Variants in PIEZO2 observed in about 807,000 individuals in gnomAD.
The protein encoded by PIEZO2 is piezo-type mechanosensitive ion channel component 2.
A neutral mutation model predicts 337.3 loss-of-function variants in PIEZO2; 172 were observed. That is an observed-to-expected ratio of 0.51 (90% CI 0.45 to 0.58). The LOEUF (loss-of-function observed/expected upper bound fraction) is 0.58, where lower values mean the gene tolerates loss of function less well. Among genes scored for constraint, PIEZO2 ranks in the 20% least tolerant of loss-of-function variants. The pLI is 0.00. For synonymous variants in PIEZO2, 1,251 were observed against 1,228.5 expected, an observed-to-expected ratio of 1.02 and a Z score of -0.38; for missense variants, 3,028 against 3,391.3, an observed-to-expected ratio of 0.89 and a Z score of 2.66.
rs909198258 is a variant in PIEZO2, at chr18:11,102,509, T to C, written c.65-36287A>G. On this transcript the variant is annotated intron_variant, in intron 1 of 55. Coordinates refer to ENST00000674853, the MANE Select transcript of PIEZO2 (RefSeq NM_001378183.1). The surrounding 1 kb of genome is among the most constrained non-coding windows in gnomAD (Gnocchi z 5.7). Reference sequence around the variant, plus strand: ...TTACCCTTATTCCCTTTCCTTCCCCTGCCTAGGGCAGAGCAGAGGATGGGG... The same window carrying C: ...TTACCCTTATTCCCTTTCCTTCCCCCGCCTAGGGCAGAGCAGAGGATGGGG... 1.3e-5 allele frequency among the ~76,000 whole-genome samples: 2 copies of C among 152,180 alleles called. No individual in the cohort carries two copies. Among genetic ancestry groups the C allele is most frequent in the African/African-American group, 2.4e-5 (1 of 41,450 alleles).
Position 10,850,988 on chromosome 18 carries a change from C to T in PIEZO2, c.917+4365G>A, listed in dbSNP as rs1015710836. Among the ~76,000 whole-genome samples the T allele has an allele frequency of 6.6e-6, 1 of 152,090 alleles. No homozygotes were observed. Among genetic ancestry groups the T allele is most frequent in the Non-Finnish European group, 1.5e-5 (1 of 68,012 alleles). On this transcript the variant is annotated intron_variant, in intron 7 of 55. Transcript: ENST00000674853. The surrounding 1 kb of genome is among the most constrained non-coding windows in gnomAD (Gnocchi z 4.5). ...CTTTTTTACCAGAAGATAAAAATTG[C>T]TTGGACTGTTTTAAGGGCAGCTTTA...
chr18:10,963,875 T>A (rs1363706544), intron 3 of PIEZO2, among the ~76,000 whole-genome samples: 1 of 152,208 alleles, frequency 6.6e-6, no homozygotes. Flanking sequence ...TTATTCAGAA[T>A]CTTTTCCAAA....
chr18:10,768,815 C>T (rs2038472946), intron 21 of PIEZO2, among the ~76,000 whole-genome samples: 1 of 152,116 alleles, frequency 6.6e-6, no homozygotes, highest in Non-Finnish European at 1.5e-5. Flanking sequence ...GTTATGTCTG[C>T]CTTTTGTTTA....
At chr18:10,913,621 T>C (rs778146980) in intron 3 of PIEZO2, among the ~76,000 whole-genome samples, 13 of 152,308 alleles carry the variant, frequency 8.5e-5, no homozygotes, top group South Asian at 4.1e-4. Flanking sequence ...TGCTATACTA[T>C]ATTGTTAGGC....
chr18:10,802,109 A>C (rs1046997084), intron 9 of PIEZO2, among the ~76,000 whole-genome samples: 3 of 151,340 alleles, frequency 2.0e-5, no homozygotes, highest in African/African-American at 4.9e-5. Flanking sequence ...AAAAAAAAGA[A>C]AGAAAAGAAA....
At chr18:10,754,868 G>T (rs2037774636) in intron 27 of PIEZO2, among the ~76,000 whole-genome samples, 1 of 152,166 alleles carries the variant, frequency 6.6e-6, no homozygotes, top group African/African-American at 2.4e-5. Flanking sequence ...TCCAATCCCA[G>T]TTCTGCTGTT....
rs112914683 is a variant in PIEZO2 at position 10,681,733 on chromosome 18, G to T, written c.7707C>A (p.Ala2569=). Residue 2569 remains alanine, a synonymous_variant, in exon 51 of 56, where the codon GCC becomes GCA. Coordinates refer to ENST00000674853, the MANE Select transcript of PIEZO2 (RefSeq NM_001378183.1). ...GGYQPIFTMS[A]QQSQLKVMDQ... ...CCATAACTTTCAACTGGCTTTGTTG[G>T]GCACTCATTGTGAAAATAGGCTGGA... The T allele has an allele frequency of 3.1e-5, 50 of 1,610,250 alleles. No individual in the cohort carries two copies. The Middle Eastern group carries it at 5.0e-4, about 16-fold the overall frequency.
At chr18:11,058,009 C>G (rs1337459514) in intron 2 of PIEZO2, among the ~76,000 whole-genome samples, 1 of 152,162 alleles carries the variant, frequency 6.6e-6, no homozygotes, top group African/African-American at 2.4e-5. Context: ...GAGAGCAAAA[C>G]AGTGGATAGC....
At chr18:10,995,761 C>A (rs1004800401) in intron 2 of PIEZO2, among the ~76,000 whole-genome samples, 4 of 152,162 alleles carry the variant, frequency 2.6e-5, no homozygotes, top group Non-Finnish European at 5.9e-5. Context: ...TTCACCCCTG[C>A]CCTCCAGGGC....
chr18:10,770,039 C>A (rs2038532062), intron 21 of PIEZO2, 109 bp downstream of exon 21: 5 of 1,175,466 alleles, frequency 4.3e-6, no homozygotes, highest in Non-Finnish European at 5.9e-6. Flanking sequence ...AGTCTTGATA[C>A]TCCGATGTAA....
chr18:10,907,188 A>G (rs2030019893), intron 4 of PIEZO2, among the ~76,000 whole-genome samples: 1 of 152,160 alleles, frequency 6.6e-6, no homozygotes, highest in Non-Finnish European at 1.5e-5. Context: ...CACGCCTGTA[A>G]TCCCAGCACT....
chr18:11,137,738 G>A (rs7240881), intron 1 of PIEZO2, among the ~76,000 whole-genome samples: 129,814 of 152,212 alleles, frequency 0.85, 55,706 homozygotes, highest in African/African-American at 0.95. Flanking sequence ...ATTCACTTCC[G>A]TGGTGCTTCA....
At chr18:10,976,646 A>G (rs1035696512) in intron 3 of PIEZO2, among the ~76,000 whole-genome samples, 7 of 152,228 alleles carry the variant, frequency 4.6e-5, no homozygotes, top group Non-Finnish European at 7.3e-5. Context: ...GAAAGGGAAG[A>G]TGTTATGTTA....
In PIEZO2 at chr18:10,781,705, A is replaced by G. The variant is rs1399600397; in HGVS notation, c.2493-1339T>C. Among the ~76,000 whole-genome samples, 1 of 152,212 alleles carries G rather than the reference A, an allele frequency of 6.6e-6. No homozygotes were observed. Among genetic ancestry groups the G allele is most frequent in the Non-Finnish European group, 1.5e-5 (1 of 68,038 alleles). ...AATTCTGTAAGTCTAAACATAATAAATTCTGCTTCATACACAAGTGACATG... is the reference window on the plus strand; with the variant it reads ...AATTCTGTAAGTCTAAACATAATAAGTTCTGCTTCATACACAAGTGACATG... On this transcript the variant is annotated intron_variant, in intron 17 of 55. Coordinates refer to ENST00000674853, the MANE Select transcript of PIEZO2 (RefSeq NM_001378183.1). The surrounding 1 kb of genome is among the most constrained non-coding windows in gnomAD (Gnocchi z 4.1).
chr18:11,074,625 T>C (rs529238854), intron 1 of PIEZO2, among the ~76,000 whole-genome samples: 7 of 152,246 alleles, frequency 4.6e-5, no homozygotes, highest in Admixed American at 4.6e-4. Context: ...TTTCTAAAGA[T>C]GAAAGATGGT....
intron 16 of PIEZO2, 35 bp downstream of exon 16, chr18:10,787,001 A>C: frequency 6.6e-7 from 1 of 1,504,604 alleles, no homozygotes; most frequent in Non-Finnish European, 8.9e-7. Context: ...TCAAGTCTTC[A>C]TCTTGTTCAT....
At chr18:10,760,428 T>C (rs1249171875) in intron 24 of PIEZO2, among the ~76,000 whole-genome samples, 1 of 152,108 alleles carries the variant, frequency 6.6e-6, no homozygotes, top group Non-Finnish European at 1.5e-5. Flanking sequence ...CCTCAGCCTC[T>C]CAAGTAGCTG....
At chr18:11,029,762 C>G (rs1423979636) in intron 2 of PIEZO2, among the ~76,000 whole-genome samples, 1 of 152,156 alleles carries the variant, frequency 6.6e-6, no homozygotes, top group Non-Finnish European at 1.5e-5. Context: ...CCTCTGACTT[C>G]TTCATGTGGC....
intron 1 of PIEZO2, among the ~76,000 whole-genome samples, chr18:11,085,365 C>T (rs1180945535): frequency 1.3e-5 from 2 of 152,132 alleles, no homozygotes; most frequent in South Asian, 2.1e-4. Flanking sequence ...CTCCAGTCAC[C>T]TGCTTGCCCT....
Sources: gnomAD v4.1 joint callset for allele counts (sites outside exome capture counted in the v4.1 genomes callset) on GRCh38, gnomAD v4.1.1 for gene constraint, Gnocchi (gnomAD v3.1) non-coding constraint, MANE v1.5 for transcripts, NCBI Gene and HGNC (gene_info 2026-07-23, HGNC 2026-07-21) for gene names.